Variants in PTPRD observed in about 807,000 individuals in gnomAD.
PTPRD encodes the protein receptor-type tyrosine-protein phosphatase delta.
Under a neutral mutation model 214.5 loss-of-function variants are expected in PTPRD, and 34 were observed. The observed-to-expected ratio is 0.16, with a 90% CI of 0.12 to 0.21. The LOEUF (loss-of-function observed/expected upper bound fraction) is 0.21. Ranked by LOEUF, PTPRD falls within the 10% of genes least tolerant of loss-of-function variation. PTPRD has a pLI of 1.00. For missense variants in PTPRD, 2,545 were observed against 2,398.7 expected (o/e 1.06, Z -1.27); for synonymous variants, 1,128 against 845.7 (o/e 1.33, Z -5.79).
chr9:9,795,260 G>A (rs80328006), intron 5 of PTPRD, among the ~76,000 whole-genome samples: 9,565 of 152,232 alleles, frequency 0.063, 391 homozygotes, highest in Middle Eastern at 0.12. Context: ...ATTTAATTTG[G>A]AAATAGTGGG....
chr9:8,368,459 T>G (rs1488124664), intron 39 of PTPRD, among the ~76,000 whole-genome samples: 2 of 152,122 alleles, frequency 1.3e-5, no homozygotes, highest in Non-Finnish European at 2.9e-5. Context: ...GAAGGAACCT[T>G]CATCAAATAG....
At chr9:8,415,075 A>C (rs142015669) in intron 35 of PTPRD, among the ~76,000 whole-genome samples, 3 of 152,106 alleles carry the variant, frequency 2.0e-5, no homozygotes, top group South Asian at 2.1e-4. Flanking sequence ...TCTGCAGTGC[A>C]ATACCTATCT....
intron 8 of PTPRD, among the ~76,000 whole-genome samples, chr9:9,529,618 T>C (rs1488653945): frequency 6.6e-6 from 1 of 152,030 alleles, no homozygotes; most frequent in African/African-American, 2.4e-5. Flanking sequence ...ACAGCTAAAA[T>C]TAACTTCTGT....
intron 8 of PTPRD, among the ~76,000 whole-genome samples, chr9:9,457,252 C>T (rs1173821444): frequency 6.6e-6 from 1 of 151,844 alleles, no homozygotes. Context: ...TTAATATTTG[C>T]CTAGACAAAT....
At chr9:8,738,476 T>A (rs989111110) in intron 11 of PTPRD, among the ~76,000 whole-genome samples, 5 of 152,150 alleles carry the variant, frequency 3.3e-5, no homozygotes, top group Admixed American at 6.5e-5. Context: ...ATTATAGGCT[T>A]TGTATGGGAA....
intron 4 of PTPRD, among the ~76,000 whole-genome samples, chr9:9,995,019 G>GAGTTTATTA (rs1422964027): frequency 2.0e-5 from 3 of 151,958 alleles, no homozygotes; most frequent in Non-Finnish European, 2.9e-5. Flanking sequence ...TAAGCAAAAT[G>GAGTTTATTA]AGTTTATTAA....
At chr9:9,083,133 A>G (rs1327401237) in intron 10 of PTPRD, among the ~76,000 whole-genome samples, 2 of 152,052 alleles carry the variant, frequency 1.3e-5, no homozygotes, top group African/African-American at 4.8e-5. Context: ...GAGGCATCAC[A>G]TTGCCTGACT....
intron 15 of PTPRD, 198 bp downstream of exon 15, chr9:8,528,393 G>C: frequency 1.6e-6 from 1 of 637,746 alleles, no homozygotes; most frequent in Non-Finnish European, 2.7e-6. Context: ...AAAACACACA[G>C]AGAAAAGGAG....
chr9:9,977,509 T>C (rs2095400337), intron 4 of PTPRD, among the ~76,000 whole-genome samples: 1 of 152,176 alleles, frequency 6.6e-6, no homozygotes, highest in Admixed American at 6.5e-5. Flanking sequence ...AAGTAGCATG[T>C]AATTAGACAT....
At chr9:10,492,067 T>G (rs1276198332) in intron 2 of PTPRD, among the ~76,000 whole-genome samples, 1 of 152,168 alleles carries the variant, frequency 6.6e-6, no homozygotes, top group Admixed American at 6.5e-5. Context: ...GGCTGCATAG[T>G]ATTCCATCGT....
At chr9:9,529,298 C>T (rs1170057088) in intron 8 of PTPRD, among the ~76,000 whole-genome samples, 4 of 148,724 alleles carry the variant, frequency 2.7e-5, no homozygotes, top group Non-Finnish European at 6.0e-5. Context: ...TAAATGGATT[C>T]ATTAAAAAAA....
At chr9:8,737,681 C>T (rs1008311042) in intron 11 of PTPRD, among the ~76,000 whole-genome samples, 1 of 152,182 alleles carries the variant, frequency 6.6e-6, no homozygotes, top group Non-Finnish European at 1.5e-5. Flanking sequence ...CAGAGTCTCA[C>T]TCTCTGTCAA....
At chr9:9,788,285 C>T (rs1053090737) in intron 5 of PTPRD, among the ~76,000 whole-genome samples, 4 of 151,670 alleles carry the variant, frequency 2.6e-5, no homozygotes, top group African/African-American at 9.7e-5. Context: ...GGCGCGGTGA[C>T]TCACACCTGT....
At chr9:8,965,103 C>T (rs934129779) in intron 11 of PTPRD, among the ~76,000 whole-genome samples, 1 of 152,036 alleles carries the variant, frequency 6.6e-6, no homozygotes, top group East Asian at 1.9e-4. Context: ...TTAGGCCAGG[C>T]ACAGTGGTTC....
intron 14 of PTPRD, among the ~76,000 whole-genome samples, chr9:8,629,636 T>C (rs1255057183): frequency 6.6e-6 from 1 of 151,804 alleles, no homozygotes; most frequent in Non-Finnish European, 1.5e-5. Context: ...TCACTTAAAG[T>C]TCTGCTTAGG....
At chr9:8,557,709 T>A (rs575750095) in intron 14 of PTPRD, among the ~76,000 whole-genome samples, 236 of 138,712 alleles carry the variant, frequency 1.7e-3, no homozygotes, top group African/African-American at 6.0e-3. Context: ...CGCTACTGCA[T>A]TCCAGCCTGG....
intron 5 of PTPRD, among the ~76,000 whole-genome samples, chr9:9,836,630 T>G (rs189682127): frequency 6.6e-6 from 1 of 152,230 alleles, no homozygotes; most frequent in South Asian, 2.1e-4. Context: ...GAGAGTAACA[T>G]AGAGAAAAAC....
chr9:9,105,903 T>G (rs1019917326), intron 10 of PTPRD, among the ~76,000 whole-genome samples: 5 of 152,218 alleles, frequency 3.3e-5, no homozygotes. Context: ...CTCCACCCAG[T>G]GCTCTTTTTG....
chr9:8,642,556 G>C (rs903106445), intron 12 of PTPRD, among the ~76,000 whole-genome samples: 7 of 152,154 alleles, frequency 4.6e-5, no homozygotes, highest in African/African-American at 1.4e-4. Flanking sequence ...AGTCATCTCT[G>C]ATCTTTCTTT....
Sources: gnomAD v4.1 joint callset for allele counts (sites outside exome capture counted in the v4.1 genomes callset) on GRCh38, gnomAD v4.1.1 for gene constraint, MANE v1.5 for transcripts, NCBI Gene and HGNC (gene_info 2026-07-23, HGNC 2026-07-21) for gene names.